The following FHOD3 variants were observed in gnomAD, a reference collection of about 807,000 sequenced individuals.
The protein encoded by FHOD3 is formin homology 2 domain containing 3, also known as FH1/FH2 domain-containing protein 3.
A neutral mutation model predicts 173.0 loss-of-function variants in FHOD3; 90 were observed. That is an observed-to-expected ratio of 0.52 (90% CI 0.44 to 0.62). The LOEUF is 0.62. Ranked by LOEUF, FHOD3 falls within the 20% of genes least tolerant of loss-of-function variation. FHOD3 has a pLI of 0.00. For missense variants in FHOD3, 1,945 were observed against 2,034.7 expected, an observed-to-expected ratio of 0.96 and a Z score of 0.85; for synonymous variants, 828 against 823.0, an observed-to-expected ratio of 1.01 and a Z score of -0.10.
At chr18:36,445,277 G>T (rs965578934) in intron 3 of FHOD3, among the ~76,000 whole-genome samples, 2 of 152,142 alleles carry the variant, frequency 1.3e-5, no homozygotes, top group Admixed American at 6.5e-5. Flanking sequence ...CTCTCTAGGG[G>T]ACATATGAGC....
At chr18:36,321,656 G>A (rs943504440) in intron 1 of FHOD3, among the ~76,000 whole-genome samples, 6 of 152,174 alleles carry the variant, frequency 3.9e-5, no homozygotes, top group African/African-American at 1.4e-4. Context: ...GAGAGGGAGT[G>A]GCAGACACTC....
At chr18:36,305,509 C>G (rs1598637342) in intron 1 of FHOD3, among the ~76,000 whole-genome samples, 5 of 152,150 alleles carry the variant, frequency 3.3e-5, no homozygotes. Flanking sequence ...TGCTGAGGTG[C>G]CTCATCATGC....
intron 5 of FHOD3, among the ~76,000 whole-genome samples, chr18:36,519,955 A>ATATT (rs564283654): frequency 7.6e-6 from 1 of 132,074 alleles, no homozygotes; most frequent in Non-Finnish European, 1.6e-5. Flanking sequence ...CTTTTCTTTC[A>ATATT]TTTTTTTTTT....
At chr18:36,641,110 C>T (rs1239524337) in intron 10 of FHOD3, among the ~76,000 whole-genome samples, 2 of 152,012 alleles carry the variant, frequency 1.3e-5, no homozygotes, top group Non-Finnish European at 2.9e-5. Flanking sequence ...TGTGCTAGGT[C>T]CTCAGGGCCA....
chr18:36,319,444 A>G (rs1214189474), intron 1 of FHOD3, among the ~76,000 whole-genome samples: 1 of 152,256 alleles, frequency 6.6e-6, no homozygotes, highest in Non-Finnish European at 1.5e-5. Flanking sequence ...AAACTATCCT[A>G]AATATATATG....
chr18:36,754,976 TTTATTATTATTATTA>T (rs142900451), intron 24 of FHOD3, 128 bp from the exon 25 acceptor site: 251 of 168,266 alleles, frequency 1.5e-3, no homozygotes, highest in East Asian at 2.6e-3. Flanking sequence ...TGTTGGTTTC[TTTATTATTATTATTA>T]TTATTATTAT....
intron 16 of FHOD3, among the ~76,000 whole-genome samples, chr18:36,688,853 C>T (rs2038788290): frequency 6.6e-6 from 1 of 152,182 alleles, no homozygotes; most frequent in Non-Finnish European, 1.5e-5. Flanking sequence ...ATATTATTTA[C>T]TGCTCTTTTT....
intron 5 of FHOD3, among the ~76,000 whole-genome samples, chr18:36,540,242 C>T (rs1465004919): frequency 6.6e-6 from 1 of 152,156 alleles, no homozygotes; most frequent in East Asian, 1.9e-4. Flanking sequence ...TAATTATTTA[C>T]CTTATTTATA....
At chr18:36,760,155 C>T (rs371768346) in intron 26 of FHOD3, among the ~76,000 whole-genome samples, 9 of 152,162 alleles carry the variant, frequency 5.9e-5, no homozygotes, top group African/African-American at 1.4e-4. Flanking sequence ...ATTCTACCAT[C>T]GTAAGTGATA....
chr18:36,389,973 C>A (rs984329539), intron 3 of FHOD3, among the ~76,000 whole-genome samples: 1 of 152,086 alleles, frequency 6.6e-6, no homozygotes, highest in Admixed American at 6.5e-5. Context: ...GATGCAAGGC[C>A]GGTTCTGTCA....
chr18:36,720,769 CTCCTCCTCCTCTTCCTCCTCCTCT>C (rs199549868), intron 19 of FHOD3, among the ~76,000 whole-genome samples: 59 of 146,648 alleles, frequency 4.0e-4, no homozygotes, highest in African/African-American at 6.9e-4. Flanking sequence ...GCTCCTTCTC[CTCCTCCTCCTCTTCCTCCTCCTCT>C]TCCTCCTCCT....
At chr18:36,564,971 T>C (rs1016662552) in intron 5 of FHOD3, among the ~76,000 whole-genome samples, 4 of 152,236 alleles carry the variant, frequency 2.6e-5, no homozygotes, top group African/African-American at 9.6e-5. Flanking sequence ...TTGTGCTGAT[T>C]AAATTCTTGT....
intron 1 of FHOD3, among the ~76,000 whole-genome samples, chr18:36,343,647 CG>C (rs34857079): frequency 0.44 from 66,995 of 151,918 alleles, 17,001 homozygotes; most frequent in East Asian, 0.67. Context: ...TCCTCTCTAC[CG>C]TGTGATCTCT....
At chr18:36,389,404 G>A (rs1372609850) in intron 3 of FHOD3, among the ~76,000 whole-genome samples, 1 of 152,144 alleles carries the variant, frequency 6.6e-6, no homozygotes, top group Non-Finnish European at 1.5e-5. Context: ...GAATGCACAG[G>A]GTTCTTCTGC....
chr18:36,400,685 C>A (rs966784880), intron 3 of FHOD3, among the ~76,000 whole-genome samples: 1 of 152,180 alleles, frequency 6.6e-6, no homozygotes, highest in Non-Finnish European at 1.5e-5. Context: ...CTCAGTGCAT[C>A]CACCAGAGCT....
At position 36,358,937 on chromosome 18, in the gene FHOD3, G is replaced by A. The variant is rs550167594; in HGVS notation, c.272+3292G>A. On this transcript the variant is annotated intron_variant, in intron 2 of 28. Coordinates refer to ENST00000590592, the MANE Select transcript of FHOD3 (RefSeq NM_001281740.3). The stretch of plus-strand genomic sequence containing the variant: ...GCATGCATAGCTACACATTTGACAA[G>A]TGTGCCCCCAAATCACCCTAGAGTG... Among the ~76,000 whole-genome samples the A allele has an allele frequency of 2.6e-5, 4 of 152,250 alleles. No individual in the cohort carries two copies. The East Asian group carries it at 5.8e-4, about 22-fold the overall frequency.
At chr18:36,411,983 G>A (rs981378488) in intron 3 of FHOD3, among the ~76,000 whole-genome samples, 4 of 152,228 alleles carry the variant, frequency 2.6e-5, no homozygotes, top group African/African-American at 9.6e-5. Context: ...CTTCCTGGTG[G>A]CCCATCTGCA....
chr18:36,688,818 A>G (rs1311579405), intron 16 of FHOD3, among the ~76,000 whole-genome samples: 1 of 152,148 alleles, frequency 6.6e-6, no homozygotes, highest in African/African-American at 2.4e-5. Flanking sequence ...ATTTCCCCAA[A>G]CCACGGAAGT....
At chr18:36,701,130 C>T (rs1355755624) in intron 17 of FHOD3, among the ~76,000 whole-genome samples, 4 of 152,140 alleles carry the variant, frequency 2.6e-5, no homozygotes, top group Non-Finnish European at 4.4e-5. Flanking sequence ...TATGAGTTGG[C>T]GAATGGTCAA....
Sources: gnomAD v4.1 joint callset for allele counts (sites outside exome capture counted in the v4.1 genomes callset) on GRCh38, gnomAD v4.1.1 for gene constraint, MANE v1.5 for transcripts, NCBI Gene and HGNC (gene_info 2026-07-23, HGNC 2026-07-21) for gene names.